CDH12: variants seen among roughly 807,000 people sequenced by gnomAD.
CDH12 encodes cadherin-12.
CDH12 carries 41 observed loss-of-function variants against 74.1 expected under a neutral mutation model. That is an observed-to-expected ratio of 0.55 (90% CI 0.43 to 0.72). The LOEUF (loss-of-function observed/expected upper bound fraction) is 0.72. Among genes scored for constraint, CDH12 ranks in the 30% least tolerant of loss-of-function variants. CDH12 has a pLI of 0.00. For synonymous variants in CDH12, 399 were observed against 355.0 expected (o/e 1.12, Z -1.39); for missense variants, 945 against 977.2 (o/e 0.97, Z 0.44).
At chr5:22,079,727 T>C (rs1433298941) in intron 4 of CDH12, among the ~76,000 whole-genome samples, 3 of 152,144 alleles carry the variant, frequency 2.0e-5, no homozygotes, top group Non-Finnish European at 4.4e-5. Context: ...CTTTGAACTT[T>C]TTCTTATAAC....
chr5:22,529,214 G>GA (rs1737469254), intron 1 of CDH12, among the ~76,000 whole-genome samples: 1 of 138,686 alleles, frequency 7.2e-6, no homozygotes, highest in African/African-American at 2.6e-5. Context: ...GAGAGAGAGA[G>GA]AGAGAGAGAG....
intron 1 of CDH12, among the ~76,000 whole-genome samples, chr5:22,729,343 C>T (rs1481166560): frequency 6.6e-6 from 1 of 151,830 alleles, no homozygotes; most frequent in East Asian, 1.9e-4. Context: ...TGATGAATCC[C>T]TCTTCATGCT....
chr5:22,056,457 G>C (rs549346856), intron 5 of CDH12, among the ~76,000 whole-genome samples: 1 of 152,296 alleles, frequency 6.6e-6, no homozygotes, highest in South Asian at 2.1e-4. Flanking sequence ...ATTTTGATAA[G>C]AGAAGGAGAG....
chr5:21,765,201 G>A, intron 11 of CDH12, 102 bp from the exon 12 acceptor site: 3 of 963,410 alleles, frequency 3.1e-6, no homozygotes, highest in African/African-American at 1.7e-5. Context: ...CCTTTATATA[G>A]AATGAAAAAA....
intron 3 of CDH12, among the ~76,000 whole-genome samples, chr5:22,365,245 T>C (rs1740979811): frequency 6.6e-6 from 1 of 152,176 alleles, no homozygotes; most frequent in African/African-American, 2.4e-5. Flanking sequence ...ACTTGACATA[T>C]TAGTACAGCT....
intron 1 of CDH12, among the ~76,000 whole-genome samples, chr5:22,556,248 A>G (rs989304323): frequency 2.0e-5 from 3 of 152,068 alleles, no homozygotes; most frequent in African/African-American, 7.2e-5. Context: ...GAAGGGTTGG[A>G]AGGGGACAGA....
intron 1 of CDH12, among the ~76,000 whole-genome samples, chr5:22,642,431 C>T (rs751457083): frequency 1.3e-5 from 2 of 152,096 alleles, no homozygotes; most frequent in African/African-American, 2.4e-5. Context: ...TTCCCCATAA[C>T]CTTGAGATGA....
intron 5 of CDH12, among the ~76,000 whole-genome samples, chr5:22,003,979 C>G (rs1280120409): frequency 2.0e-5 from 3 of 152,006 alleles, no homozygotes; most frequent in African/African-American, 7.2e-5. Flanking sequence ...TCTGTCTCAG[C>G]ACTTTGAAAT....
intron 2 of CDH12, among the ~76,000 whole-genome samples, chr5:22,441,263 TG>T (rs1480994124): frequency 6.6e-6 from 1 of 152,196 alleles, no homozygotes; most frequent in African/African-American, 2.4e-5. Flanking sequence ...TTACATGTTC[TG>T]TTGGGAGGTA....
At chr5:22,124,828 T>C (rs1745752017) in intron 4 of CDH12, among the ~76,000 whole-genome samples, 1 of 152,238 alleles carries the variant, frequency 6.6e-6, no homozygotes, top group Non-Finnish European at 1.5e-5. Context: ...TTTCAGAACA[T>C]GTGCATGAGA....
chr5:22,660,401 T>G (rs1397939616), intron 1 of CDH12, among the ~76,000 whole-genome samples: 1 of 152,190 alleles, frequency 6.6e-6, no homozygotes, highest in Non-Finnish European at 1.5e-5. Context: ...GTGAAGAGAT[T>G]AATACCTGAC....
At chr5:21,915,826 G>GTGTA (rs1561296272) in intron 6 of CDH12, among the ~76,000 whole-genome samples, 1 of 135,174 alleles carries the variant, frequency 7.4e-6, no homozygotes, top group African/African-American at 3.4e-5. Context: ...TTTGTGCTGT[G>GTGTA]TGTGTGTGTG....
intron 5 of CDH12, among the ~76,000 whole-genome samples, chr5:22,041,676 G>A (rs966408007): frequency 6.6e-6 from 1 of 152,062 alleles, no homozygotes; most frequent in Non-Finnish European, 1.5e-5. Flanking sequence ...CAAATACTAA[G>A]GGGAATAAAG....
intron 1 of CDH12, among the ~76,000 whole-genome samples, chr5:22,741,114 A>C (rs1745004733): frequency 6.6e-6 from 1 of 152,140 alleles, no homozygotes; most frequent in Non-Finnish European, 1.5e-5. Flanking sequence ...TTATTTCTGA[A>C]AATTAACCAT....
chr5:22,258,373 CAG>C (rs565121328), intron 3 of CDH12, among the ~76,000 whole-genome samples: 369 of 152,150 alleles, frequency 2.4e-3, no homozygotes, highest in African/African-American at 8.3e-3. Flanking sequence ...CTGTGGAGTT[CAG>C]AGAGTCTGAG....
intron 8 of CDH12, among the ~76,000 whole-genome samples, chr5:21,823,342 T>C (rs1218239057): frequency 1.3e-5 from 2 of 152,130 alleles, no homozygotes; most frequent in African/African-American, 4.8e-5. Context: ...ATGATCATAG[T>C]TTCCTGTCTT....
intron 3 of CDH12, among the ~76,000 whole-genome samples, chr5:22,251,033 T>C (rs939116825): frequency 3.9e-5 from 6 of 152,178 alleles, no homozygotes; most frequent in African/African-American, 9.7e-5. Flanking sequence ...GAAAGCCAGA[T>C]TGAAATAATT....
intron 2 of CDH12, among the ~76,000 whole-genome samples, chr5:22,439,050 G>A (rs547275472): frequency 5.9e-4 from 89 of 151,802 alleles, no homozygotes; most frequent in Non-Finnish European, 1.2e-3. Flanking sequence ...TGTCTATAAA[G>A]CACAATGTAA....
At chr5:22,573,072 T>A (rs1739616022) in intron 1 of CDH12, among the ~76,000 whole-genome samples, 2 of 152,202 alleles carry the variant, frequency 1.3e-5, no homozygotes, top group Non-Finnish European at 2.9e-5. Flanking sequence ...ATTCAATAAA[T>A]GTCCCATTTT....
Sources: gnomAD v4.1 joint callset for allele counts (sites outside exome capture counted in the v4.1 genomes callset) on GRCh38, gnomAD v4.1.1 for gene constraint, MANE v1.5 for transcripts, NCBI Gene and HGNC (gene_info 2026-07-23, HGNC 2026-07-21) for gene names.